Variants in PRELID2 observed in about 807,000 individuals in gnomAD.
PRELID2 encodes PRELI domain containing 2.
A neutral mutation model predicts 28.4 loss-of-function variants in PRELID2; 25 were observed. The observed-to-expected ratio is 0.88, with a 90% CI of 0.64 to 1.23. The LOEUF (loss-of-function observed/expected upper bound fraction) is 1.23. Among genes scored for constraint, PRELID2 ranks in the 50% most tolerant of loss-of-function variants. The probability of loss-of-function intolerance (pLI) is 0.00; values close to 1 mark genes in which losing one functional copy is unlikely to be tolerated. For missense variants in PRELID2, 201 were observed against 214.4 expected (o/e 0.94, Z 0.39); for synonymous variants, 76 against 71.6 (o/e 1.06, Z -0.31).
intron 1 of PRELID2, among the ~76,000 whole-genome samples, chr5:145,688,685 T>G (rs1207685507): frequency 6.6e-6 from 1 of 152,186 alleles, no homozygotes; most frequent in Non-Finnish European, 1.5e-5. Context: ...AATGGCCTGA[T>G]CATGACAGAG....
At chr5:145,711,948 G>C (rs1225659047) in intron 1 of PRELID2, among the ~76,000 whole-genome samples, 2 of 152,188 alleles carry the variant, frequency 1.3e-5, no homozygotes, top group Non-Finnish European at 2.9e-5. Flanking sequence ...CAGAACGCTG[G>C]TAGCTGCACT....
the PRELID2 span, among the ~76,000 whole-genome samples, chr5:145,298,728 T>C: frequency 6.6e-6 from 1 of 152,092 alleles, no homozygotes; most frequent in Non-Finnish European, 1.5e-5. Context: ...AGCCAATAAA[T>C]GTATGTTCAT....
intron 1 of PRELID2, among the ~76,000 whole-genome samples, chr5:145,709,287 TC>T (rs1755627230): frequency 6.6e-6 from 1 of 152,204 alleles, no homozygotes; most frequent in African/African-American, 2.4e-5. Flanking sequence ...ATAGCCACAA[TC>T]ATTTCAAAGT....
At chr5:145,437,594 T>A in the PRELID2 span, among the ~76,000 whole-genome samples, 1 of 152,056 alleles carries the variant, frequency 6.6e-6, no homozygotes, top group Non-Finnish European at 1.5e-5. Flanking sequence ...GTGGGAGGGA[T>A]CTTACTTTAG....
chr5:145,695,277 C>T (rs1755235107), intron 1 of PRELID2, among the ~76,000 whole-genome samples: 2 of 152,026 alleles, frequency 1.3e-5, no homozygotes, highest in Non-Finnish European at 2.9e-5. Context: ...CGTCAAGAGG[C>T]AGAAGAAGAG....
the PRELID2 span, among the ~76,000 whole-genome samples, chr5:145,319,101 T>C: frequency 6.6e-6 from 1 of 152,028 alleles, no homozygotes; most frequent in East Asian, 1.9e-4. Context: ...GGGGTGTATA[T>C]GGGTATGGTA....
chr5:145,490,854 T>C (rs1363190739), intron 1 of PRELID2, among the ~76,000 whole-genome samples: 2 of 152,180 alleles, frequency 1.3e-5, no homozygotes, highest in African/African-American at 4.8e-5. Flanking sequence ...TAAAGCTGAA[T>C]AGATGCTTCC....
At chr5:145,446,548 T>C in the PRELID2 span, among the ~76,000 whole-genome samples, 1 of 152,104 alleles carries the variant, frequency 6.6e-6, no homozygotes, top group Non-Finnish European at 1.5e-5. Context: ...TCCAAGAACC[T>C]ATGTAAGTTT....
intron 1 of PRELID2, among the ~76,000 whole-genome samples, chr5:145,685,011 C>T (rs73302047): frequency 0.028 from 4,302 of 152,184 alleles, 193 homozygotes; most frequent in African/African-American, 0.094. Flanking sequence ...CCTCACTGTC[C>T]ACATCCAATT....
chr5:145,365,087 T>C, the PRELID2 span, among the ~76,000 whole-genome samples: 2 of 151,888 alleles, frequency 1.3e-5, no homozygotes, highest in Non-Finnish European at 2.9e-5. Context: ...AGTAGAATGG[T>C]AGTTACCAGA....
Position 145,659,583 on chromosome 5 carries a change from T to A in PRELID2, n.70+105348A>T, listed in dbSNP as rs567982794. The stretch of plus-strand genomic sequence containing the variant: ...AGGACTCTCCTAGCTTAGAATGGGA[T>A]GTGGGGAAGGCATGGTGGGAAAGGG... On this transcript the variant is annotated intron_variant and non_coding_transcript_variant, in intron 1 of 2. Transcript: ENST00000510259. Among the ~76,000 whole-genome samples, 3 of 152,266 alleles carry A rather than the reference T, an allele frequency of 2.0e-5. No homozygotes were observed. The South Asian group carries it at 6.2e-4, about 32-fold the overall frequency.
At chr5:145,555,579 C>A (rs540485155) in intron 1 of PRELID2, among the ~76,000 whole-genome samples, 4 of 152,290 alleles carry the variant, frequency 2.6e-5, no homozygotes, top group Admixed American at 6.5e-5. Context: ...ACCAGGAATA[C>A]AACTGGACAG....
the PRELID2 span, among the ~76,000 whole-genome samples, chr5:145,448,353 T>C: frequency 1.2e-4 from 18 of 152,054 alleles, no homozygotes; most frequent in Admixed American, 1.0e-3. Flanking sequence ...TTTGAGTTCA[T>C]TGTAGATTCT....
the PRELID2 span, among the ~76,000 whole-genome samples, chr5:145,418,425 A>T: frequency 1.3e-5 from 2 of 152,192 alleles, no homozygotes; most frequent in East Asian, 3.9e-4. Context: ...AATAGCCCAG[A>T]TAGCCAAGAC....
chr5:145,403,923 CGATCTA>C, the PRELID2 span, among the ~76,000 whole-genome samples: 2 of 152,156 alleles, frequency 1.3e-5, no homozygotes, highest in East Asian at 3.9e-4. Flanking sequence ...AAAGTTAAAT[CGATCTA>C]GATCCTTTTT....
intron 1 of PRELID2, among the ~76,000 whole-genome samples, chr5:145,713,096 C>T (rs1015347431): frequency 5.3e-5 from 8 of 151,452 alleles, no homozygotes; most frequent in Non-Finnish European, 8.8e-5. Context: ...AACTGGAGTT[C>T]CAGACAGAGA....
chr5:145,271,990 C>A, the PRELID2 span, among the ~76,000 whole-genome samples: 41 of 152,244 alleles, frequency 2.7e-4, no homozygotes, highest in African/African-American at 7.7e-4. Flanking sequence ...TTAAATCTCT[C>A]TGGTGGCTTT....
intron 1 of PRELID2, among the ~76,000 whole-genome samples, chr5:145,641,120 A>G (rs1754100216): frequency 6.6e-6 from 1 of 152,230 alleles, no homozygotes; most frequent in Non-Finnish European, 1.5e-5. Context: ...TAATGTATAT[A>G]AAGTGCAAGC....
downstream of PRELID2, among the ~76,000 whole-genome samples, chr5:145,468,312 G>A (rs1478992200): frequency 2.0e-5 from 3 of 152,142 alleles, no homozygotes; most frequent in South Asian, 4.2e-4. Flanking sequence ...AATCCAGTCT[G>A]TCATTGTTGG....
Sources: allele counts gnomAD v4.1 joint callset (sites outside exome capture counted in the v4.1 genomes callset), GRCh38; gene constraint gnomAD v4.1.1; transcripts MANE v1.5; gene names NCBI Gene and HGNC (gene_info 2026-07-23, HGNC 2026-07-21).